The following TERB1 variants were observed in gnomAD, a reference collection of about 807,000 sequenced individuals.
The protein encoded by TERB1 is telomere repeats-binding bouquet formation protein 1.
Under a neutral mutation model 92.3 loss-of-function variants are expected in TERB1, and 63 were observed. The observed-to-expected ratio is 0.68, with a 90% CI of 0.56 to 0.84. The LOEUF is 0.84. TERB1 is among the 40% of genes least tolerant of loss of function. The probability of loss-of-function intolerance (pLI) is 0.00; values close to 1 mark genes in which losing one functional copy is unlikely to be tolerated. For synonymous variants in TERB1, 252 were observed against 283.9 expected, an observed-to-expected ratio of 0.89 and a Z score of 1.13; for missense variants, 709 against 843.7, an observed-to-expected ratio of 0.84 and a Z score of 1.98.
chr16:66,784,093 T>A (rs1166945342), intron 9 of TERB1, among the ~76,000 whole-genome samples: 1 of 152,246 alleles, frequency 6.6e-6, no homozygotes, highest in East Asian at 1.9e-4. Context: ...TCTGTTAAGA[T>A]CTATAGTGAT....
In TERB1 at chr16:66,778,881, C is replaced by T. The variant is rs1416965461; in HGVS notation, c.835G>A (p.Ala279Thr). 2 of 1,508,796 alleles carry T rather than the reference C, an allele frequency of 1.3e-6. No homozygotes were observed. The highest frequency in any genetic ancestry group is 2.8e-5 in the African/African-American group (2 of 72,164). 93.5% of individuals were successfully genotyped at this position (1,508,796 alleles called of 1,614,324 possible). The change falls in exon 10 of 19, where the codon GCA becomes ACA. Residue 279 changes from alanine to threonine, a missense_variant. By Grantham distance (58) the Ala-to-Thr change is moderately conservative. Transcript: ENST00000433154. ...LAVVVTKTVD[A>T]CIADNPTFGI... ...CACTCACGATTATCAGCAATGCATG[C>T]ATCCACAGTCTTCGTCACAACCACT...
intron 9 of TERB1, among the ~76,000 whole-genome samples, chr16:66,780,893 A>T (rs1288692783): frequency 6.6e-6 from 1 of 152,228 alleles, no homozygotes; most frequent in Admixed American, 6.5e-5. Context: ...CGTTTCAAAC[A>T]CTTGAATATA....
At chr16:66,771,201 AAC>A (rs1265849507) in intron 13 of TERB1, among the ~76,000 whole-genome samples, 1 of 152,218 alleles carries the variant, frequency 6.6e-6, no homozygotes, top group Non-Finnish European at 1.5e-5. Context: ...ATAGCTCTTA[AAC>A]ACAAGAAAAA....
chr16:66,771,223 C>T (rs541000508), intron 13 of TERB1, among the ~76,000 whole-genome samples: 63 of 152,160 alleles, frequency 4.1e-4, no homozygotes, highest in African/African-American at 1.5e-3. Context: ...AATGTTTCAT[C>T]CCACTTAAGA....
chr16:66,796,990 G>C (rs1959199098), intron 2 of TERB1, among the ~76,000 whole-genome samples, 160 bp from the exon 3 acceptor site: 1 of 152,104 alleles, frequency 6.6e-6, no homozygotes, highest in South Asian at 2.1e-4. Flanking sequence ...TTAATAAGTT[G>C]AATCTGCAAC....
chr16:66,789,829 C>G (rs141654325), intron 5 of TERB1, among the ~76,000 whole-genome samples: 2,391 of 151,456 alleles, frequency 0.016, 66 homozygotes, highest in African/African-American at 0.056. Context: ...CCCACCTCGG[C>G]CTCCCAAGTA....
intron 3 of TERB1, 148 bp from the exon 4 acceptor site, chr16:66,791,167 A>G: frequency 2.1e-6 from 1 of 466,498 alleles, no homozygotes; most frequent in Non-Finnish European, 3.8e-6. Context: ...ACAACCATGT[A>G]TTTTTTTTAA....
At chr16:66,794,574 C>T (rs1464385033) in intron 3 of TERB1, among the ~76,000 whole-genome samples, 3 of 152,246 alleles carry the variant, frequency 2.0e-5, no homozygotes, top group East Asian at 1.9e-4. Context: ...TCCTTCAATA[C>T]CTCCTGAATA....
At chr16:66,761,923 C>T (rs778311666) in intron 16 of TERB1, among the ~76,000 whole-genome samples, 19 of 152,022 alleles carry the variant, frequency 1.2e-4, no homozygotes, top group Admixed American at 6.6e-5. Flanking sequence ...TGTATTGGCG[C>T]GCCCCTGTAA....
chr16:66,799,727 A>G (rs1445146914), intron 2 of TERB1, among the ~76,000 whole-genome samples: 1 of 152,232 alleles, frequency 6.6e-6, no homozygotes, highest in African/African-American at 2.4e-5. Flanking sequence ...ATAGCAAAGG[A>G]TAAGTTATAA....
At chr16:66,773,858 G>C (rs1305351809) in intron 12 of TERB1, among the ~76,000 whole-genome samples, 1 of 151,900 alleles carries the variant, frequency 6.6e-6, no homozygotes, top group African/African-American at 2.4e-5. Context: ...CTAGCACTCT[G>C]CCTTGGCACA....
chr16:66,783,416 C>T (rs1462324952), intron 9 of TERB1, among the ~76,000 whole-genome samples: 6 of 152,238 alleles, frequency 3.9e-5, no homozygotes, highest in East Asian at 3.9e-4. Flanking sequence ...CTGGGATACA[C>T]GCCACTTGGT....
chr16:66,775,376 G>A (rs1333048257), intron 11 of TERB1, 133 bp from the exon 12 acceptor site: 1 of 731,874 alleles, frequency 1.4e-6, no homozygotes, highest in South Asian at 1.9e-5. Flanking sequence ...GCTCACTCTT[G>A]TAATCCCAGC....
At chr16:66,775,641 AAAAACAAAAAC>A (rs1215699719) in intron 11 of TERB1, among the ~76,000 whole-genome samples, 1 of 152,102 alleles carries the variant, frequency 6.6e-6, no homozygotes, top group Non-Finnish European at 1.5e-5. Flanking sequence ...CTCAAAAAAC[AAAAACAAAAAC>A]AAAACAAAAC....
At position 66,790,909 on chromosome 16, in the gene TERB1, T is replaced by C; in HGVS notation, c.142A>G (p.Ser48Gly). The part of the protein sequence containing the change: ...VTIHSICQQN[S>G]NASVYFREIG... Reference sequence around the variant, plus strand: ...ATAAAAATTCACTATTATATCTTACTGTTTTGTTGACAAATTGAATGAATA... The same window carrying C: ...ATAAAAATTCACTATTATATCTTACCGTTTTGTTGACAAATTGAATGAATA... The change falls in exon 4 of 19, where the codon AGT (serine) becomes GGT (glycine). Residue 48 changes from serine (S) to glycine (G), a missense_variant and splice_region_variant. Transcript: ENST00000433154. 1.3e-6 allele frequency: 2 copies of C among 1,535,802 alleles called. No individual in the cohort carries two copies. Among genetic ancestry groups the C allele is most frequent in the East Asian group, 2.5e-5 (1 of 40,690 alleles).
At chr16:66,791,656 G>C (rs905183603) in intron 3 of TERB1, among the ~76,000 whole-genome samples, 13 of 152,040 alleles carry the variant, frequency 8.6e-5, no homozygotes, top group African/African-American at 3.1e-4. Flanking sequence ...ACAGATATTC[G>C]GAAGATATTA....
In TERB1 at chr16:66,786,304, TAAA is replaced by T; in HGVS notation, c.401-22_401-20del. The stretch of plus-strand genomic sequence containing the variant: ...CCGGTCCCTTAAAAAAATAGCCATA[TAAA>T]AATATGAGTTTTATTTACAAATAGT... On this transcript the variant is annotated intron_variant, in intron 6 of 18. Transcript: ENST00000433154. 6.6e-7 allele frequency: 1 copy of T among 1,511,010 alleles called. No homozygotes were observed. The highest frequency in any genetic ancestry group is 2.5e-5 in the East Asian group (1 of 40,594). 93.6% of individuals were successfully genotyped at this position (1,511,010 alleles called of 1,614,324 possible).
chr16:66,762,746 T>C (rs2018274018), intron 16 of TERB1, among the ~76,000 whole-genome samples: 1 of 151,680 alleles, frequency 6.6e-6, no homozygotes, highest in Admixed American at 6.6e-5. Flanking sequence ...TGCAGTGGCA[T>C]GATCTCAGCT....
chr16:66,782,959 A>T (rs2018662902), intron 9 of TERB1, among the ~76,000 whole-genome samples: 1 of 152,062 alleles, frequency 6.6e-6, no homozygotes, highest in African/African-American at 2.4e-5. Context: ...TTGACCTCCC[A>T]GGCTCAAGCA....
Sources: allele counts gnomAD v4.1 joint callset (sites outside exome capture counted in the v4.1 genomes callset), GRCh38; gene constraint gnomAD v4.1.1; transcripts MANE v1.5; gene names NCBI Gene and HGNC (gene_info 2026-07-23, HGNC 2026-07-21).